Variants in PCDH15 observed in about 807,000 individuals in gnomAD.
PCDH15 encodes protocadherin related 15.
In PCDH15, 129 loss-of-function variants were observed where a neutral mutation model predicts 178.5. The ratio of observed to expected loss-of-function variants is 0.72; its 90% CI spans 0.63 to 0.84. PCDH15 has a LOEUF of 0.84. Ranked by LOEUF, PCDH15 falls within the 40% of genes least tolerant of loss-of-function variation. The pLI, the probability that PCDH15 is intolerant of heterozygous loss-of-function variation, is 0.00. For synonymous variants in PCDH15, 800 were observed against 732.0 expected, an observed-to-expected ratio of 1.09 and a Z score of -1.50; for missense variants, 2,230 against 2,099.9, an observed-to-expected ratio of 1.06 and a Z score of -1.21.
chr10:54,236,997 G>A, intron 8 of PCDH15, 66 bp from the exon 9 acceptor site: 1 of 1,347,580 alleles, frequency 7.4e-7, no homozygotes, highest in Non-Finnish European at 1.1e-6. Context: ...GATTGAGACA[G>A]ATGCTTTAGT....
At chr10:54,060,201 G>A (rs1161584159) in intron 18 of PCDH15, among the ~76,000 whole-genome samples, 2 of 152,080 alleles carry the variant, frequency 1.3e-5, no homozygotes, top group African/African-American at 4.8e-5. Context: ...CACTTAAAAA[G>A]GATAAACGCT....
chr10:55,262,728 C>T (rs372895237), intron 1 of PCDH15, among the ~76,000 whole-genome samples: 9 of 152,248 alleles, frequency 5.9e-5, no homozygotes, highest in East Asian at 3.9e-4. Flanking sequence ...CTCAACAAAA[C>T]CTTGCGCTCA....
intron 2 of PCDH15, among the ~76,000 whole-genome samples, chr10:54,991,167 T>C (rs906739188): frequency 7.2e-5 from 11 of 152,178 alleles, no homozygotes; most frequent in African/African-American, 2.7e-4. Flanking sequence ...TTTGTGAATA[T>C]GTTGTTTAAT....
chr10:54,095,074 C>T (rs2136099359), intron 15 of PCDH15, among the ~76,000 whole-genome samples: 1 of 152,214 alleles, frequency 6.6e-6, no homozygotes, highest in Middle Eastern at 3.4e-3. Context: ...TTTCACAGGA[C>T]ATTAAGACAA....
At chr10:54,383,625 G>GTTTT (rs35045750) in intron 3 of PCDH15, among the ~76,000 whole-genome samples, 20 of 37,154 alleles carry the variant, frequency 5.4e-4, no homozygotes, top group African/African-American at 1.1e-3. Flanking sequence ...GTGTATGTGT[G>GTTTT]TTTTTGTGTG....
chr10:55,442,485 A>ATATATATAT (rs1554869648), intron 2 of PCDH15, among the ~76,000 whole-genome samples: 5 of 91,744 alleles, frequency 5.4e-5, no homozygotes, highest in African/African-American at 1.6e-4. Context: ...TATATATTAT[A>ATATATATAT]TATATATATA....
At chr10:55,460,030 A>G (rs1191137596) in intron 2 of PCDH15, among the ~76,000 whole-genome samples, 1 of 152,096 alleles carries the variant, frequency 6.6e-6, no homozygotes, top group Non-Finnish European at 1.5e-5. Context: ...AAGAAAAACC[A>G]GAACAGAACC....
chr10:55,435,404 T>C (rs980290253), intron 2 of PCDH15, among the ~76,000 whole-genome samples: 11 of 152,170 alleles, frequency 7.2e-5, no homozygotes, highest in African/African-American at 2.4e-4. Flanking sequence ...AATTAGCAAA[T>C]AGTTAATTAA....
At chr10:55,559,540 G>T (rs1342505940) in intron 2 of PCDH15, among the ~76,000 whole-genome samples, 1 of 151,922 alleles carries the variant, frequency 6.6e-6, no homozygotes, top group Non-Finnish European at 1.5e-5. Flanking sequence ...TAGTATCGGA[G>T]CATTATTTAC....
chr10:53,892,693 G>GT (rs1564702782), intron 26 of PCDH15, among the ~76,000 whole-genome samples: 1 of 152,074 alleles, frequency 6.6e-6, no homozygotes, highest in South Asian at 2.1e-4. Context: ...AACTGGTAAT[G>GT]TTTTTTATGG....
intron 13 of PCDH15, among the ~76,000 whole-genome samples, chr10:54,161,396 A>G (rs145076811): frequency 6.6e-6 from 1 of 152,268 alleles, no homozygotes; most frequent in East Asian, 1.9e-4. Context: ...ACAGCTGAAA[A>G]TGGGAGTGAG....
rs572675585 is a variant in PCDH15 at position 55,512,984 on chromosome 10, A to T, written c.-156+114641T>A. 3.3e-5 allele frequency: 5 copies of T among 152,242 alleles called. No homozygotes were observed. In the East Asian group the frequency reaches 9.7e-4, roughly 29 times the overall value. The allele number at this position is 152,242 out of a possible 1,614,324, so 9.4% of individuals were successfully genotyped here. Reference sequence around the variant, plus strand: ...CCTATTACCAAGTGCTACTGTGTATATTGGCTTCATTTGGAACATTGTCTT... The same window carrying T: ...CCTATTACCAAGTGCTACTGTGTATTTTGGCTTCATTTGGAACATTGTCTT... On this transcript the variant is annotated intron_variant, in intron 2 of 5. Coordinates refer to the PCDH15 transcript ENST00000613346.
At chr10:54,481,264 A>AAT (rs1251897125) in intron 3 of PCDH15, among the ~76,000 whole-genome samples, 2 of 151,770 alleles carry the variant, frequency 1.3e-5, no homozygotes, top group African/African-American at 4.8e-5. Context: ...AATTTTCTCT[A>AAT]ATATATATAT....
At chr10:54,665,939 G>A (rs2094564232) in intron 1 of PCDH15, among the ~76,000 whole-genome samples, 1 of 151,930 alleles carries the variant, frequency 6.6e-6, no homozygotes, top group African/African-American at 2.4e-5. Flanking sequence ...GTAGAGCAGC[G>A]GATAAGAATG....
intron 2 of PCDH15, among the ~76,000 whole-genome samples, chr10:55,004,447 T>G (rs1324539963): frequency 1.3e-5 from 2 of 152,112 alleles, no homozygotes; most frequent in Non-Finnish European, 2.9e-5. Context: ...TCTGAATTCC[T>G]TTCTCAGGAA....
intron 8 of PCDH15, among the ~76,000 whole-genome samples, chr10:54,242,458 T>A (rs1481882761): frequency 6.6e-6 from 1 of 151,766 alleles, no homozygotes; most frequent in Non-Finnish European, 1.5e-5. Context: ...TCATCCCTAA[T>A]GTTAAATGCA....
At chr10:55,234,830 A>T (rs1413014499) in intron 1 of PCDH15, among the ~76,000 whole-genome samples, 1 of 152,064 alleles carries the variant, frequency 6.6e-6, no homozygotes, top group Non-Finnish European at 1.5e-5. Context: ...GTGGTAATAA[A>T]CATTAGTACA....
chr10:54,780,441 CAAG>C (rs1950246072), intron 1 of PCDH15, among the ~76,000 whole-genome samples: 1 of 152,116 alleles, frequency 6.6e-6, no homozygotes, highest in Non-Finnish European at 1.5e-5. Flanking sequence ...TGTTTGTTCT[CAAG>C]AGGAGACGTG....
At chr10:54,114,418 C>G (rs533593577) in intron 15 of PCDH15, among the ~76,000 whole-genome samples, 3 of 152,126 alleles carry the variant, frequency 2.0e-5, no homozygotes, top group Admixed American at 6.5e-5. Flanking sequence ...CATTTGAAAC[C>G]TCAGTTGCAG....
Sources: allele counts gnomAD v4.1 joint callset (sites outside exome capture counted in the v4.1 genomes callset), GRCh38; gene constraint gnomAD v4.1.1; transcripts MANE v1.5; gene names NCBI Gene and HGNC (gene_info 2026-07-23, HGNC 2026-07-21).